NCAM2: variants seen among roughly 807,000 people sequenced by gnomAD.
NCAM2 encodes N-CAM-2.
In NCAM2, 30 loss-of-function variants were observed where a neutral mutation model predicts 98.1. The ratio of observed to expected loss-of-function variants is 0.31; its 90% CI spans 0.23 to 0.41. The LOEUF is 0.41. Ranked by LOEUF, NCAM2 falls within the 10% of genes least tolerant of loss-of-function variation. The pLI is 1.00. For synonymous variants in NCAM2, 368 were observed against 342.4 expected, an observed-to-expected ratio of 1.07 and a Z score of -0.83; for missense variants, 867 against 1,005.8, an observed-to-expected ratio of 0.86 and a Z score of 1.87.
chr21:21,028,047 G>A (rs1185220890), intron 1 of NCAM2, among the ~76,000 whole-genome samples: 1 of 151,982 alleles, frequency 6.6e-6, no homozygotes, highest in Non-Finnish European at 1.5e-5. Flanking sequence ...ATTTTTAGTA[G>A]AGATGGGATT....
At chr21:21,088,157 A>G (rs1008593055) in intron 1 of NCAM2, among the ~76,000 whole-genome samples, 1 of 152,242 alleles carries the variant, frequency 6.6e-6, no homozygotes, top group African/African-American at 2.4e-5. Flanking sequence ...AAACAGTTAA[A>G]TATAAACTGC....
chr21:21,465,048 T>G (rs1435023914), intron 12 of NCAM2, among the ~76,000 whole-genome samples: 1 of 152,122 alleles, frequency 6.6e-6, no homozygotes, highest in African/African-American at 2.4e-5. Flanking sequence ...CTTATAAGGT[T>G]GAGAAATTGA....
intron 1 of NCAM2, among the ~76,000 whole-genome samples, chr21:21,153,439 T>C (rs58192334): frequency 5.9e-5 from 9 of 151,962 alleles, no homozygotes; most frequent in Admixed American, 5.9e-4. Flanking sequence ...TATGCATAAC[T>C]GAATTACACA....
At chr21:21,130,890 C>G (rs2066919235) in intron 1 of NCAM2, among the ~76,000 whole-genome samples, 1 of 151,996 alleles carries the variant, frequency 6.6e-6, no homozygotes, top group African/African-American at 2.4e-5. Context: ...CTAAATTGGC[C>G]AAGCAAAAAC....
At chr21:21,172,226 A>G (rs1157694648) in intron 1 of NCAM2, among the ~76,000 whole-genome samples, 1 of 152,038 alleles carries the variant, frequency 6.6e-6, no homozygotes, top group Non-Finnish European at 1.5e-5. Flanking sequence ...AGATTTTCAC[A>G]TACTGGAACC....
chr21:21,250,951 T>C (rs1307814438), intron 1 of NCAM2, among the ~76,000 whole-genome samples: 1 of 152,176 alleles, frequency 6.6e-6, no homozygotes, highest in African/African-American at 2.4e-5. Context: ...TAATTGCTTT[T>C]TGTTTATGAG....
intron 1 of NCAM2, among the ~76,000 whole-genome samples, chr21:21,120,233 A>G (rs774395653): frequency 1.3e-5 from 2 of 152,206 alleles, no homozygotes; most frequent in Non-Finnish European, 2.9e-5. Flanking sequence ...AGCTTTATTA[A>G]TGATTTGCAA....
chr21:21,420,593 T>G (rs2077091693), intron 11 of NCAM2, among the ~76,000 whole-genome samples: 2 of 152,036 alleles, frequency 1.3e-5, no homozygotes, highest in South Asian at 4.1e-4. Flanking sequence ...AGAAAAATGT[T>G]CATTTTTACT....
At chr21:21,083,994 T>C (rs1350748639) in intron 1 of NCAM2, among the ~76,000 whole-genome samples, 2 of 152,116 alleles carry the variant, frequency 1.3e-5, no homozygotes, top group African/African-American at 2.4e-5. Flanking sequence ...ACACCATAAA[T>C]TGGGTGGCTT....
chr21:21,048,067 C>T (rs562043673), intron 1 of NCAM2, among the ~76,000 whole-genome samples: 51 of 152,202 alleles, frequency 3.4e-4, no homozygotes, highest in African/African-American at 1.2e-3. Context: ...CTTTGTTTTC[C>T]TTCTTTCCTT....
chr21:21,419,101 G>C (rs1344956261), intron 11 of NCAM2, among the ~76,000 whole-genome samples: 2 of 152,056 alleles, frequency 1.3e-5, no homozygotes, highest in Non-Finnish European at 2.9e-5. Flanking sequence ...AATTTTAAAT[G>C]TTAGCAAAGA....
Position 21,287,957 on chromosome 21 carries a change from C to T in NCAM2, c.481+1545C>T, listed in dbSNP as rs930411970. ...TTTGTGTCATAAATGAGACTTTAGA[C>T]ATAAAGTCCTTTCTTGACATCTATG... On this transcript the variant is annotated intron_variant, in intron 4 of 17. Coordinates refer to ENST00000400546, the MANE Select transcript of NCAM2 (RefSeq NM_004540.5). 4.0e-5 allele frequency among the ~76,000 whole-genome samples: 6 copies of T among 151,878 alleles called. No homozygotes were observed. In the East Asian group the frequency reaches 1.2e-3, roughly 29 times the overall value.
At chr21:21,497,418 T>C (rs911949398) in intron 15 of NCAM2, among the ~76,000 whole-genome samples, 1 of 152,154 alleles carries the variant, frequency 6.6e-6, no homozygotes. Flanking sequence ...TTGTTTATAG[T>C]TCCCCCATTT....
chr21:21,221,889 A>T (rs775004458), intron 1 of NCAM2, among the ~76,000 whole-genome samples: 1 of 152,160 alleles, frequency 6.6e-6, no homozygotes, highest in Non-Finnish European at 1.5e-5. Flanking sequence ...TCATAGCTAC[A>T]GAGAAGTAAA....
intron 8 of NCAM2, among the ~76,000 whole-genome samples, chr21:21,373,408 A>T (rs2075963990): frequency 6.6e-6 from 1 of 151,936 alleles, no homozygotes; most frequent in Admixed American, 6.6e-5. Context: ...GTTGCCATGT[A>T]AATATAGAGA....
chr21:21,253,357 C>A (rs189550674), intron 1 of NCAM2, among the ~76,000 whole-genome samples: 2 of 152,202 alleles, frequency 1.3e-5, no homozygotes, highest in African/African-American at 4.8e-5. Flanking sequence ...GAATGTTTGT[C>A]TTTTCCAAAT....
At chr21:21,410,505 A>C (rs757140802) in intron 10 of NCAM2, 44 bp downstream of exon 10, 68 of 1,096,506 alleles carry the variant, frequency 6.2e-5, no homozygotes, top group Non-Finnish European at 8.3e-5. Context: ...TATTTTAACA[A>C]CTATCTACTA....
chr21:21,457,458 G>A (rs1982319900), intron 12 of NCAM2, among the ~76,000 whole-genome samples: 1 of 152,080 alleles, frequency 6.6e-6, no homozygotes, highest in African/African-American at 2.4e-5. Context: ...TGGCCAATAT[G>A]GTGAAACCTT....
At chr21:21,039,293 T>C (rs1434740735) in intron 1 of NCAM2, among the ~76,000 whole-genome samples, 3 of 152,204 alleles carry the variant, frequency 2.0e-5, no homozygotes, top group Non-Finnish European at 2.9e-5. Flanking sequence ...GCATGTGTTA[T>C]TATTTTTACA....
Sources: allele counts gnomAD v4.1 joint callset (sites outside exome capture counted in the v4.1 genomes callset), GRCh38; gene constraint gnomAD v4.1.1; transcripts MANE v1.5; gene names NCBI Gene and HGNC (gene_info 2026-07-23, HGNC 2026-07-21).